Variants in PCDHGA1 observed in about 807,000 individuals in gnomAD.
PCDHGA1 encodes the protein protocadherin gamma-A1.
PCDHGA1 carries 32 observed loss-of-function variants against 58.0 expected under a neutral mutation model. The observed-to-expected ratio is 0.55, with a 90% CI of 0.42 to 0.74. PCDHGA1 has a LOEUF of 0.74. PCDHGA1 is among the 30% of genes least tolerant of loss of function. PCDHGA1 has a pLI of 0.00. For synonymous variants in PCDHGA1, 498 were observed against 501.1 expected (o/e 0.99, Z 0.08); for missense variants, 1,205 against 1,182.3 (o/e 1.02, Z -0.28).
intron 3 of PCDHGA1, 133 bp downstream of exon 3, chr5:141,505,614 AC>A: frequency 6.6e-7 from 1 of 1,510,758 alleles, no homozygotes; most frequent in Non-Finnish European, 8.9e-7. Flanking sequence ...GTCTGAAAGG[AC>A]CCACAATTCC....
At position 141,350,430 on chromosome 5, in the gene PCDHGA1, G is replaced by A. The variant is rs769353290; in HGVS notation, c.2421+17325G>A. Reference sequence around the variant, plus strand: ...GCCAAGGATCTGGGGCTCAGTGTCCGGGAGTTGCCAACTCGAAAACTGCGG... The same window carrying A: ...GCCAAGGATCTGGGGCTCAGTGTCCAGGAGTTGCCAACTCGAAAACTGCGG... On this transcript the variant is annotated intron_variant, in intron 1 of 3. Coordinates refer to ENST00000517417, the MANE Select transcript of PCDHGA1 (RefSeq NM_018912.3). The A allele has an allele frequency of 2.2e-5, 35 of 1,610,006 alleles. No homozygotes were observed. Among genetic ancestry groups the A allele is most frequent in the Middle Eastern group, 1.6e-4 (1 of 6,072 alleles).
Position 141,432,849 on chromosome 5 carries a change from T to G in PCDHGA1, c.2422-61958T>G. The G allele has an allele frequency of 1.2e-6, 2 of 1,614,194 alleles. No homozygotes were observed. The highest frequency in any genetic ancestry group is 2.2e-5 in the South Asian group (2 of 91,092). ...CTCACTCTGTACCTGGTGGTAGCGG[T>G]GGCCGCGGTCTCCTGCGTCTTCCTG... On this transcript the variant is annotated intron_variant, in intron 1 of 3. Coordinates refer to ENST00000517417, the MANE Select transcript of PCDHGA1 (RefSeq NM_018912.3). This position sits in a 1 kb window ranked among gnomAD's most constrained non-coding sequence, Gnocchi z 6.0.
intron 1 of PCDHGA1, among the ~76,000 whole-genome samples, chr5:141,468,165 A>T (rs1249592462): frequency 1.3e-5 from 2 of 151,940 alleles, no homozygotes; most frequent in Non-Finnish European, 2.9e-5. Flanking sequence ...TCTCTGCTAA[A>T]AATAGAAAAA....
intron 1 of PCDHGA1, chr5:141,376,645 T>C: frequency 9.9e-7 from 1 of 1,010,330 alleles, no homozygotes; most frequent in South Asian, 1.7e-5. Flanking sequence ...TTTTGTAAAG[T>C]GGAAGACTCC....
chr5:141,455,377 CAGAA>C (rs2098820699), intron 1 of PCDHGA1, among the ~76,000 whole-genome samples: 1 of 151,970 alleles, frequency 6.6e-6, no homozygotes, highest in Admixed American at 6.6e-5. Flanking sequence ...AGGGAGAAGA[CAGAA>C]GGAAGGAGCT....
Position 141,344,183 on chromosome 5 carries a change from C to A in PCDHGA1, c.2421+11078C>A, listed in dbSNP as rs781139153. 8 of 1,613,930 alleles carry A rather than the reference C, an allele frequency of 5.0e-6. No individual in the cohort carries two copies. In the Admixed American group the frequency reaches 5.0e-5, roughly 10 times the overall value. ...GTTCCTTCGTGGGCAACATCGCTAA[C>A]GACCTGGGGCTAGAGCCCCGGGAGC... On this transcript the variant is annotated intron_variant, in intron 1 of 3. Coordinates refer to ENST00000517417, the MANE Select transcript of PCDHGA1 (RefSeq NM_018912.3).
At chr5:141,415,312 A>G (rs1245475147) in intron 1 of PCDHGA1, 1 of 1,614,222 alleles carries the variant, frequency 6.2e-7, no homozygotes, top group Non-Finnish European at 8.5e-7. Context: ...GGCCTTCGTC[A>G]TCGTGCTGCT....
intron 2 of PCDHGA1, among the ~76,000 whole-genome samples, chr5:141,500,587 C>T (rs1418158417): frequency 6.6e-5 from 10 of 152,170 alleles, no homozygotes; most frequent in South Asian, 2.1e-4. Flanking sequence ...ACACTTTATT[C>T]ACATATTAAG....
chr5:141,450,829 A>ATTTTTT (rs373424450), intron 1 of PCDHGA1, among the ~76,000 whole-genome samples: 1 of 135,126 alleles, frequency 7.4e-6, no homozygotes. Context: ...TATTATTATT[A>ATTTTTT]TTTTTTTTTT....
intron 1 of PCDHGA1, chr5:141,394,160 T>G (rs749389529): frequency 1.7e-5 from 27 of 1,613,534 alleles, no homozygotes; most frequent in Non-Finnish European, 2.3e-5. Flanking sequence ...ACGACAACCC[T>G]CCTACTTTCC....
chr5:141,431,408 G>T lies in PCDHGA1; in HGVS notation c.2422-63399G>T, dbSNP rs1270461546. On this transcript the variant is annotated intron_variant, in intron 1 of 3. Coordinates refer to ENST00000517417, the MANE Select transcript of PCDHGA1 (RefSeq NM_018912.3). The surrounding 1 kb of genome is among the most constrained non-coding windows in gnomAD (Gnocchi z 4.8). ...CCACCTGGTCCTTACGGCCTCCGAC[G>T]GGGGCGACCCGGTGCGCACAGGCAC... 4 of 1,613,600 alleles carry T rather than the reference G, an allele frequency of 2.5e-6. No individual in the cohort carries two copies. Among genetic ancestry groups the T allele is most frequent in the Non-Finnish European group, 3.4e-6 (4 of 1,180,038 alleles).
intron 1 of PCDHGA1, chr5:141,412,932 T>A: frequency 2.2e-6 from 1 of 453,328 alleles, no homozygotes; most frequent in Non-Finnish European, 3.9e-6. Flanking sequence ...AGTAACTTCT[T>A]AGGACTCTGA....
intron 1 of PCDHGA1, chr5:141,393,501 G>A (rs754946327): frequency 1.2e-6 from 2 of 1,614,044 alleles, no homozygotes; most frequent in Non-Finnish European, 1.7e-6. Flanking sequence ...GCGCATCCAC[G>A]TGACAGTGTT....
At chr5:141,415,372 G>A in intron 1 of PCDHGA1, 1 of 1,614,252 alleles carries the variant, frequency 6.2e-7, no homozygotes, top group Non-Finnish European at 8.5e-7. Flanking sequence ...GCAGGCTTCA[G>A]GAGGCGGCTT....
At chr5:141,419,642 G>A (rs376762490) in intron 1 of PCDHGA1, 1 of 1,612,412 alleles carries the variant, frequency 6.2e-7, no homozygotes, top group African/African-American at 1.3e-5. Context: ...GGTGGCCGTG[G>A]ACGCGGACTC....
chr5:141,458,347 T>A (rs1351687231), intron 1 of PCDHGA1, among the ~76,000 whole-genome samples: 1 of 151,916 alleles, frequency 6.6e-6, no homozygotes, highest in Non-Finnish European at 1.5e-5. Flanking sequence ...AGTGGAGAGT[T>A]TAATAAGCAA....
chr5:141,364,177 C>G (rs1432921471), intron 1 of PCDHGA1: 4 of 848,374 alleles, frequency 4.7e-6, no homozygotes, highest in Non-Finnish European at 6.7e-6. Flanking sequence ...GACTCTGCTC[C>G]CTCCATACTA....
intron 2 of PCDHGA1, among the ~76,000 whole-genome samples, chr5:141,497,832 G>A (rs1326640712): frequency 1.3e-5 from 2 of 151,992 alleles, no homozygotes; most frequent in Non-Finnish European, 2.9e-5. Context: ...GATCGCCCCC[G>A]GCCACAACAA....
rs374995933 is a variant in PCDHGA1 at position 141,371,810 on chromosome 5, G to T, written c.2421+38705G>T. 1,100 of 1,613,756 alleles carry T rather than the reference G, an allele frequency of 6.8e-4. 2 individuals carry two copies. Among genetic ancestry groups the T allele is most frequent in the Non-Finnish European group, 9.0e-4 (1,060 of 1,179,898 alleles). On this transcript the variant is annotated intron_variant, in intron 1 of 3. Transcript: ENST00000517417. ...ACAATCCGCCTGGAGCCTCCATTGC[G>T]CATGTCAGAGCCTCGGATCCCGACT...
Sources: allele counts gnomAD v4.1 joint callset (sites outside exome capture counted in the v4.1 genomes callset), GRCh38; gene constraint gnomAD v4.1.1; non-coding constraint Gnocchi (gnomAD v3.1); transcripts MANE v1.5; gene names NCBI Gene and HGNC (gene_info 2026-07-23, HGNC 2026-07-21).